The following NELL2 variants were observed in gnomAD, a reference collection of about 807,000 sequenced individuals.
NELL2 encodes protein kinase C-binding protein NELL2.
Under a neutral mutation model 109.6 loss-of-function variants are expected in NELL2, and 41 were observed. That is an observed-to-expected ratio of 0.37 (90% CI 0.29 to 0.49). The LOEUF is 0.49. Among genes scored for constraint, NELL2 ranks in the 20% least tolerant of loss-of-function variants. The probability of loss-of-function intolerance (pLI) is 0.98; values close to 1 mark genes in which losing one functional copy is unlikely to be tolerated. For synonymous variants in NELL2, 355 were observed against 344.7 expected (o/e 1.03, Z -0.33); for missense variants, 900 against 1,008.3 (o/e 0.89, Z 1.45).
intron 3 of NELL2, among the ~76,000 whole-genome samples, chr12:44,800,180 G>T (rs1942781986): frequency 6.6e-6 from 1 of 152,040 alleles, no homozygotes; most frequent in Admixed American, 6.6e-5. Flanking sequence ...TGGTAAATAA[G>T]CACATTTTAG....
intron 15 of NELL2, among the ~76,000 whole-genome samples, chr12:44,592,935 T>C (rs1466268749): frequency 6.6e-6 from 1 of 152,220 alleles, no homozygotes; most frequent in Non-Finnish European, 1.5e-5. Flanking sequence ...TTTTGACATT[T>C]GTTTTGTTCC....
intron 15 of NELL2, among the ~76,000 whole-genome samples, chr12:44,597,498 G>A (rs1188434973): frequency 6.6e-6 from 1 of 152,150 alleles, no homozygotes; most frequent in Non-Finnish European, 1.5e-5. Context: ...GGTTAAGTTT[G>A]CATTTTCTTT....
chr12:44,902,471 C>T (rs773568947), intron 1 of NELL2, among the ~76,000 whole-genome samples: 11 of 152,046 alleles, frequency 7.2e-5, no homozygotes, highest in Admixed American at 2.0e-4. Flanking sequence ...AAAATGGCCA[C>T]GCTGCCCAAA....
intron 15 of NELL2, among the ~76,000 whole-genome samples, chr12:44,569,481 C>T (rs1943781355): frequency 6.6e-6 from 1 of 152,130 alleles, no homozygotes; most frequent in African/African-American, 2.4e-5. Flanking sequence ...AATGGTTGAA[C>T]TAATTTACAC....
intron 2 of NELL2, among the ~76,000 whole-genome samples, chr12:44,846,236 A>T (rs1362637422): frequency 6.6e-6 from 1 of 152,168 alleles, no homozygotes; most frequent in Non-Finnish European, 1.5e-5. Flanking sequence ...GAGATTATTG[A>T]CGCCCAAAGA....
intron 16 of NELL2, among the ~76,000 whole-genome samples, chr12:44,528,097 C>CA (rs71093812): frequency 0.2 from 4,357 of 21,940 alleles, 1,262 homozygotes; most frequent in Middle Eastern, 0.42. Context: ...GACTCCGTCT[C>CA]AAAAAAAAAA....
intron 13 of NELL2, among the ~76,000 whole-genome samples, chr12:44,611,488 T>C (rs1945620766): frequency 1.3e-5 from 2 of 152,228 alleles, no homozygotes; most frequent in Middle Eastern, 3.4e-3. Context: ...TGGGGAATCT[T>C]TGATCTCTTT....
chr12:44,753,355 G>A (rs1159528339), intron 9 of NELL2, among the ~76,000 whole-genome samples: 1 of 152,118 alleles, frequency 6.6e-6, no homozygotes, highest in African/African-American at 2.4e-5. Context: ...CTACTGCCTA[G>A]TACATGGGAA....
intron 9 of NELL2, among the ~76,000 whole-genome samples, chr12:44,731,934 G>T (rs1323245694): frequency 6.6e-6 from 1 of 151,688 alleles, no homozygotes; most frequent in Non-Finnish European, 1.5e-5. Context: ...CTCTAACAAG[G>T]AAAAATAGGA....
intron 5 of NELL2, among the ~76,000 whole-genome samples, chr12:44,779,136 G>T (rs952426717): frequency 6.6e-6 from 1 of 152,152 alleles, no homozygotes. Context: ...CCTCTCCAAT[G>T]AAGAAATTCT....
chr12:44,610,845 T>G lies in NELL2; in HGVS notation c.1567+3A>C, dbSNP rs1945592842. On this transcript the variant is annotated splice_donor_region_variant and intron_variant, in intron 14 of 19. Transcript: ENST00000429094. ...AAGAGGCACTGGCATTTAAACCTTT[T>G]ACCTTTGCATGTCGTTCCATTCCCT... The G allele has an allele frequency of 2.5e-6, 4 of 1,612,748 alleles. No individual in the cohort carries two copies. The highest frequency in any genetic ancestry group is 3.4e-6 in the Non-Finnish European group (4 of 1,179,102).
chr12:44,815,673 T>C (rs903081121), intron 3 of NELL2, among the ~76,000 whole-genome samples: 3 of 152,156 alleles, frequency 2.0e-5, no homozygotes, highest in Non-Finnish European at 4.4e-5. Context: ...GGCTGGAGTG[T>C]AATGGCATGA....
rs532130752 is a variant in NELL2, at chr12:44,662,782, A to G, written c.1444+2702T>C. ...TAGAATGTCTATGATTAATTTCCAC[A>G]TGGGATAAGCAACTTTGAGAGTCTG... On this transcript the variant is annotated intron_variant, in intron 13 of 19. Transcript: ENST00000429094. 2.0e-4 allele frequency among the ~76,000 whole-genome samples: 31 copies of G among 152,306 alleles called. No individual in the cohort carries two copies. The South Asian group carries it at 5.6e-3, about 27-fold the overall frequency.
At chr12:44,603,692 C>T (rs114597666) in intron 15 of NELL2, among the ~76,000 whole-genome samples, 2,390 of 152,174 alleles carry the variant, frequency 0.016, 53 homozygotes, top group African/African-American at 0.054. Context: ...AAATTAATTT[C>T]GCTCAGTAAA....
upstream of NELL2, chr12:44,877,221 G>C (rs1662730729): frequency 6.5e-6 from 1 of 152,748 alleles, no homozygotes; most frequent in African/African-American, 2.4e-5. Flanking sequence ...AGGCGAGAGA[G>C]AAGAGCCATC....
chr12:44,911,558 A>C (rs1945780257), intron 1 of NELL2, among the ~76,000 whole-genome samples: 1 of 151,982 alleles, frequency 6.6e-6, no homozygotes. Flanking sequence ...ATAAAACTAC[A>C]AAATTCGTAT....
At chr12:44,901,357 C>A (rs532890719) in intron 1 of NELL2, among the ~76,000 whole-genome samples, 21 of 152,100 alleles carry the variant, frequency 1.4e-4, no homozygotes, top group African/African-American at 5.1e-4. Context: ...AGGAAGAAGT[C>A]GAATCCCTGA....
chr12:44,618,307 T>G (rs1275947107), intron 13 of NELL2, among the ~76,000 whole-genome samples: 2 of 152,204 alleles, frequency 1.3e-5, no homozygotes, highest in Non-Finnish European at 2.9e-5. Context: ...TCAGTTTGCT[T>G]GGCAACTAGG....
At chr12:44,673,583 G>T (rs1223026553) in intron 12 of NELL2, among the ~76,000 whole-genome samples, 6 of 152,146 alleles carry the variant, frequency 3.9e-5, no homozygotes, top group African/African-American at 7.2e-5. Context: ...TGGTTATGTT[G>T]TAGAGAATTA....
Sources: allele counts gnomAD v4.1 joint callset (sites outside exome capture counted in the v4.1 genomes callset), GRCh38; gene constraint gnomAD v4.1.1; transcripts MANE v1.5; gene names NCBI Gene and HGNC (gene_info 2026-07-23, HGNC 2026-07-21).